PABPC1L: variants seen among roughly 807,000 people sequenced by gnomAD.
PABPC1L encodes polyadenylate-binding protein 1-like.
A neutral mutation model predicts 66.6 loss-of-function variants in PABPC1L; 31 were observed. The ratio of observed to expected loss-of-function variants is 0.47; its 90% confidence interval spans 0.35 to 0.63. The LOEUF (loss-of-function observed/expected upper bound fraction) is 0.63, where lower values mean the gene tolerates loss of function less well. PABPC1L is among the 20% of genes least tolerant of loss of function. PABPC1L has a pLI of 0.00. For synonymous variants in PABPC1L, 348 were observed against 335.1 expected (o/e 1.04, Z -0.42); for missense variants, 722 against 848.8 (o/e 0.85, Z 1.86).
At chr20:44,930,416 C>A in intron 7 of PABPC1L, 44 bp from the exon 8 acceptor site, 1 of 1,581,628 alleles carries the variant, frequency 6.3e-7, no homozygotes, top group Non-Finnish European at 8.6e-7. Context: ...CCCCAGGAGC[C>A]TTCCTTCCCC....
At chr20:44,930,804 G>C (rs1601120819) in intron 8 of PABPC1L, 78 bp downstream of exon 8, 2 of 1,518,082 alleles carry the variant, frequency 1.3e-6, no homozygotes, top group East Asian at 4.5e-5. Context: ...TAGAGTTCTA[G>C]GGAAATGGAG....
At chr20:44,927,357 T>A (rs567783230) in intron 7 of PABPC1L, among the ~76,000 whole-genome samples, 1,911 of 149,938 alleles carry the variant, frequency 0.013, 15 homozygotes, top group Non-Finnish European at 0.014. Flanking sequence ...ATATATTTTT[T>A]TTTTTTTGAG....
chr20:44,910,472 C>A, intron 1 of PABPC1L, 136 bp downstream of exon 1: 1 of 1,041,832 alleles, frequency 9.6e-7, no homozygotes, highest in Non-Finnish European at 1.3e-6. Flanking sequence ...GATAACAGGG[C>A]GTTGGCAGAG....
chr20:44,925,722 A>G (rs2066805148), intron 7 of PABPC1L, among the ~76,000 whole-genome samples: 1 of 152,224 alleles, frequency 6.6e-6, no homozygotes, highest in Non-Finnish European at 1.5e-5. Flanking sequence ...TCCTTTTGAA[A>G]AATGCGAGAG....
Position 44,912,766 on chromosome 20 carries a change from C to T in PABPC1L, c.300C>T (p.Asn100=). The T allele has an allele frequency of 1.2e-6, 2 of 1,614,168 alleles. No homozygotes were observed. Among genetic ancestry groups the T allele is most frequent in the Non-Finnish European group, 1.7e-6 (2 of 1,180,018 alleles). Residue 100 remains asparagine, a synonymous_variant, in exon 2 of 15, where the codon AAC becomes AAT. Transcript: ENST00000217073. ...DPGLRKSGVG[N]IFIKNLEDSI... ...GACTTCGCAAGTCAGGTGTGGGCAA[C>T]ATCTTCATCAAGAACCTGGAGGACT...
In PABPC1L at chr20:44,938,161, G is replaced by C; in HGVS notation, c.1761G>C (p.Met587Ile). Residue 587 changes from methionine to isoleucine, a missense_variant, in exon 13 of 15, where the codon ATG (methionine) becomes ATC (isoleucine). By Grantham distance (10) the Met-to-Ile change is conservative (BLOSUM62 1). Transcript: ENST00000217073. ...TTGACAACTCAGAGCTGTTGCTCAT[G>C]CTGGAGTCTCCAGAATCCCTCCATG... The part of the protein sequence containing the change: ...LEIDNSELLL[M>I]LESPESLHAK... The C allele has an allele frequency of 1.2e-6, 2 of 1,614,196 alleles. No individual in the cohort carries two copies. The highest frequency in any genetic ancestry group is 1.7e-6 in the Non-Finnish European group (2 of 1,180,032).
chr20:44,938,817 T>C (rs1219048026), intron 14 of PABPC1L, 69 bp downstream of exon 14: 1 of 1,448,056 alleles, frequency 6.9e-7, no homozygotes, highest in Non-Finnish European at 9.5e-7. Flanking sequence ...GGGACTGACT[T>C]TCACAAACAC....
chr20:44,924,288 G>T (rs570686580), intron 7 of PABPC1L, 32 bp downstream of exon 7: 2 of 1,515,742 alleles, frequency 1.3e-6, no homozygotes, highest in Non-Finnish European at 1.8e-6. Flanking sequence ...GGGGGACAGC[G>T]TTCCCCTCCA....
At chr20:44,916,525 C>T (rs930706809) in intron 2 of PABPC1L, among the ~76,000 whole-genome samples, 2 of 152,176 alleles carry the variant, frequency 1.3e-5, no homozygotes, top group South Asian at 2.1e-4. Context: ...ATGCCCACCT[C>T]GGCCTCCCAA....
chr20:44,931,095 T>TC (rs2066855331), intron 8 of PABPC1L, among the ~76,000 whole-genome samples: 2 of 67,164 alleles, frequency 3.0e-5, no homozygotes, highest in African/African-American at 5.6e-5. Flanking sequence ...CTCCCTTCCT[T>TC]CCTTCCTTCC....
At chr20:44,928,371 C>G (rs6065766) in intron 7 of PABPC1L, among the ~76,000 whole-genome samples, 3 of 152,170 alleles carry the variant, frequency 2.0e-5, no homozygotes, top group African/African-American at 7.2e-5. Flanking sequence ...TTGCGCTCGG[C>G]TGAGATTAGC....
At chr20:44,924,098 C>A in intron 6 of PABPC1L, 63 bp from the exon 7 acceptor site, 1 of 1,354,084 alleles carries the variant, frequency 7.4e-7, no homozygotes, top group Non-Finnish European at 1.1e-6. Flanking sequence ...GTTCCCTGAT[C>A]TCCCCAAGGC....
intron 7 of PABPC1L, among the ~76,000 whole-genome samples, chr20:44,927,319 C>A (rs934236875): frequency 6.6e-6 from 1 of 151,776 alleles, no homozygotes; most frequent in Non-Finnish European, 1.5e-5. Context: ...TATTAACTAC[C>A]GACTGCCAGA....
At chr20:44,938,250 G>C in intron 13 of PABPC1L, 59 bp downstream of exon 13, 1 of 1,578,870 alleles carries the variant, frequency 6.3e-7, no homozygotes, top group South Asian at 1.1e-5. Flanking sequence ...CTAACGACAA[G>C]GGCTCTCCTA....
chr20:44,938,624 G>T, intron 13 of PABPC1L, 50 bp from the exon 14 acceptor site: 1 of 1,559,916 alleles, frequency 6.4e-7, no homozygotes, highest in South Asian at 1.2e-5. Flanking sequence ...GCTCTTCTGT[G>T]ACCTGCTAAG....
Position 44,938,067 on chromosome 20 carries a change from G to C in PABPC1L, c.1667G>C (p.Arg556Pro). 6.2e-7 allele frequency: 1 copy of C among 1,614,138 alleles called. No homozygotes were observed. Among genetic ancestry groups the C allele is most frequent in the Non-Finnish European group, 8.5e-7 (1 of 1,180,014 alleles). The change falls in exon 13 of 15, where the codon CGT becomes CCT. Residue 556 changes from arginine (R) to proline (P), a missense_variant. Physicochemically the swap from Arg to Pro is moderately radical, Grantham distance 103. Around this residue, in one of 3 missense-constraint regions of PABPC1L, gnomAD observed 301 missense variants for 337.2 expected, o/e 0.89. Transcript: ENST00000217073. ...LHEQKQMIGERLYPLIHDVHT... is the reference protein window; with the variant it reads ...LHEQKQMIGEPLYPLIHDVHT... ...TAGAAGGTGTTCCACACAGGGGAGC[G>C]TCTCTACCCCCTTATCCATGATGTC... is the stretch of plus-strand genomic sequence containing the variant.
At chr20:44,921,573 G>T in intron 5 of PABPC1L, 21 bp from the exon 6 acceptor site, 2 of 1,613,196 alleles carry the variant, frequency 1.2e-6, no homozygotes, top group Non-Finnish European at 1.7e-6. Flanking sequence ...TACCAAGCAT[G>T]TTCCCTCCTC....
Position 44,930,555 on chromosome 20 carries a change from C to A in PABPC1L, c.1068C>A (p.Arg356=). 6.2e-7 allele frequency: 1 copy of A among 1,614,270 alleles called. No individual in the cohort carries two copies. The change falls in exon 8 of 15, where the codon CGC becomes CGA. Residue 356 remains arginine, a synonymous_variant. Transcript: ENST00000217073. ...ATKAVTEMNG[R]IVGTKPLYVA... Reference sequence around the variant, plus strand: ...AGGCCGTGACAGAGATGAACGGGCGCATCGTGGGCACCAAGCCACTCTACG... The same window carrying A: ...AGGCCGTGACAGAGATGAACGGGCGAATCGTGGGCACCAAGCCACTCTACG...
chr20:44,912,149 G>T (rs940309365), intron 1 of PABPC1L, among the ~76,000 whole-genome samples: 3 of 152,156 alleles, frequency 2.0e-5, no homozygotes, highest in Non-Finnish European at 4.4e-5. Context: ...CCCTTTACAG[G>T]TGAGGAACAG....
Sources: gnomAD v4.1 joint callset for allele counts (sites outside exome capture counted in the v4.1 genomes callset) on GRCh38, gnomAD v4.1.1 for gene constraint, gnomAD v4.1.1 regional missense constraint, MANE v1.5 for transcripts, NCBI Gene and HGNC (gene_info 2026-07-23, HGNC 2026-07-21) for gene names.